The following SEMA3C variants were observed in gnomAD, a reference collection of about 807,000 sequenced individuals.
SEMA3C encodes semaphorin-3C.
A neutral mutation model predicts 89.4 loss-of-function variants in SEMA3C; 47 were observed. The ratio of observed to expected loss-of-function variants is 0.53; its 90% confidence interval spans 0.42 to 0.67. The LOEUF is 0.67. Among genes scored for constraint, SEMA3C ranks in the 30% least tolerant of loss-of-function variants. SEMA3C has a pLI of 0.00. For synonymous variants in SEMA3C, 310 were observed against 320.2 expected (o/e 0.97, Z 0.34); for missense variants, 839 against 929.1 (o/e 0.90, Z 1.26).
At chr7:80,780,399 T>C (rs1788664869) in intron 12 of SEMA3C, among the ~76,000 whole-genome samples, 1 of 152,224 alleles carries the variant, frequency 6.6e-6, no homozygotes, top group South Asian at 2.1e-4. Context: ...GAAAGAGCTC[T>C]AGAACATAAC....
chr7:80,903,823 G>C (rs1791942293), intron 2 of SEMA3C, among the ~76,000 whole-genome samples: 1 of 152,048 alleles, frequency 6.6e-6, no homozygotes, highest in Non-Finnish European at 1.5e-5. Context: ...AATGTAAAGA[G>C]CCAGAACCTG....
chr7:80,919,367 A>G, upstream of SEMA3C: 4 of 985,324 alleles, frequency 4.1e-6, no homozygotes, highest in Non-Finnish European at 4.8e-6. Context: ...GGAGTGAGCA[A>G]CTTGCTGGGT....
chr7:80,863,840 TATCAC>T (rs1297812751), intron 2 of SEMA3C, among the ~76,000 whole-genome samples: 30 of 112,682 alleles, frequency 2.7e-4, no homozygotes, highest in East Asian at 1.2e-3. Flanking sequence ...GTGATATATA[TATCAC>T]ATATCACATA....
At chr7:80,835,369 C>T (rs1790102601) in intron 2 of SEMA3C, among the ~76,000 whole-genome samples, 1 of 152,174 alleles carries the variant, frequency 6.6e-6, no homozygotes, top group Non-Finnish European at 1.5e-5. Flanking sequence ...TTCTTCTCAT[C>T]ATAAACCTCA....
rs185525866 is a variant in SEMA3C at position 80,823,738 on chromosome 7, T to C, written c.327+3687A>G. 2.1e-3 allele frequency among the ~76,000 whole-genome samples: 327 copies of C among 152,274 alleles called. 3 individuals carry two copies. Among genetic ancestry groups the C allele is most frequent in the African/African-American group, 7.6e-3 (315 of 41,568 alleles). On this transcript the variant is annotated intron_variant, in intron 4 of 17. Transcript: ENST00000265361. ...TGTAATGTATATATATCTAAATATA[T>C]ATAATCCTACTTAATTTTTCAACCG...
At chr7:80,852,529 G>C (rs970990220) in intron 2 of SEMA3C, among the ~76,000 whole-genome samples, 1 of 152,076 alleles carries the variant, frequency 6.6e-6, no homozygotes, top group Admixed American at 6.6e-5. Flanking sequence ...AATCAACAAA[G>C]TGAAGAGAAA....
chr7:80,770,059 A>C (rs532010353), intron 12 of SEMA3C, among the ~76,000 whole-genome samples: 1 of 152,272 alleles, frequency 6.6e-6, no homozygotes, highest in African/African-American at 2.4e-5. Context: ...TTAAGTAAGT[A>C]GTCTTAAGTT....
chr7:80,899,129 C>T (rs745448195), intron 2 of SEMA3C, among the ~76,000 whole-genome samples: 6 of 152,188 alleles, frequency 3.9e-5, no homozygotes, highest in Non-Finnish European at 7.3e-5. Flanking sequence ...CAACCTCCGC[C>T]GCCCGGGCTC....
chr7:80,788,840 A>G (rs924861637), intron 12 of SEMA3C, among the ~76,000 whole-genome samples: 1 of 152,166 alleles, frequency 6.6e-6, no homozygotes, highest in Non-Finnish European at 1.5e-5. Flanking sequence ...TGAAAGGAAC[A>G]CTTACCTCCA....
chr7:80,905,894 C>T (rs1170759576), intron 2 of SEMA3C: 2 of 1,289,364 alleles, frequency 1.6e-6, no homozygotes, highest in Non-Finnish European at 2.0e-6. Flanking sequence ...AGATGTAGCA[C>T]ACAGCATTGT....
intron 2 of SEMA3C, among the ~76,000 whole-genome samples, chr7:80,896,151 G>A (rs943488460): frequency 8.6e-5 from 13 of 151,608 alleles, no homozygotes; most frequent in African/African-American, 2.9e-4. Flanking sequence ...TTGCTTTTTC[G>A]ATTTCCCCAA....
intron 15 of SEMA3C, among the ~76,000 whole-genome samples, chr7:80,753,010 C>A (rs974978308): frequency 6.6e-6 from 1 of 152,046 alleles, no homozygotes. Context: ...AAATTAATCA[C>A]AAAGTCATTG....
chr7:80,878,094 G>A (rs1183468294), intron 2 of SEMA3C, among the ~76,000 whole-genome samples: 2 of 152,072 alleles, frequency 1.3e-5, no homozygotes, highest in Non-Finnish European at 2.9e-5. Context: ...TAAAAAAAAT[G>A]AGGCCGGGTG....
chr7:80,916,321 T>C (rs1268056215), intron 2 of SEMA3C, among the ~76,000 whole-genome samples: 10 of 152,168 alleles, frequency 6.6e-5, no homozygotes. Flanking sequence ...TCTCTGCTGC[T>C]GAGGATTAGC....
chr7:80,901,646 T>C (rs1791882809), intron 2 of SEMA3C, among the ~76,000 whole-genome samples: 1 of 152,192 alleles, frequency 6.6e-6, no homozygotes, highest in Non-Finnish European at 1.5e-5. Flanking sequence ...ATCAGTATCT[T>C]TGTTTTCTGT....
rs1244179812 is a variant in SEMA3C, at chr7:80,825,799, TAAAAG to T, written c.327+1621_327+1625del. On this transcript the variant is annotated intron_variant, in intron 4 of 17. Transcript: ENST00000265361. ...ATGGGAAAAAAATCTCATTAGAGAA[TAAAAG>T]AAAACAGTTTAATTCATCCACAATT... is the stretch of plus-strand genomic sequence containing the variant. Among the ~76,000 whole-genome samples, 8 of 152,124 alleles carry T rather than the reference TAAAAG, an allele frequency of 5.3e-5. No individual in the cohort carries two copies. In the East Asian group the frequency reaches 9.6e-4, roughly 18 times the overall value.
At chr7:80,853,928 G>A (rs946489232) in intron 2 of SEMA3C, among the ~76,000 whole-genome samples, 1 of 151,054 alleles carries the variant, frequency 6.6e-6, no homozygotes, top group Non-Finnish European at 1.5e-5. Flanking sequence ...ATACACACCT[G>A]CTATGTACCC....
In SEMA3C at chr7:80,762,092, TAAAAAAA is replaced by T. The variant is rs547180420; in HGVS notation, c.1444-442_1444-436del. Among the ~76,000 whole-genome samples the T allele has an allele frequency of 7.5e-4, 57 of 75,906 alleles. 1 individual carries two copies. The highest frequency in any genetic ancestry group is 2.6e-3 in the African/African-American group (52 of 19,912). The allele number at this position is 75,906 out of a possible 152,430, so 49.8% of individuals were successfully genotyped here. On this transcript the variant is annotated intron_variant, in intron 13 of 17. Coordinates refer to ENST00000265361, the MANE Select transcript of SEMA3C (RefSeq NM_006379.5). ...CAACAAGAGCAAAACTCCGTCTCAA[TAAAAAAA>T]AAAAAAAAAAAAAAAGAGTGGTAAT...
intron 2 of SEMA3C, among the ~76,000 whole-genome samples, chr7:80,897,966 T>C (rs1348578119): frequency 6.6e-6 from 1 of 152,200 alleles, no homozygotes; most frequent in Non-Finnish European, 1.5e-5. Context: ...GCATGCCTTA[T>C]TAAAACTCTT....
Sources: gnomAD v4.1 joint callset for allele counts (sites outside exome capture counted in the v4.1 genomes callset) on GRCh38, gnomAD v4.1.1 for gene constraint, MANE v1.5 for transcripts, NCBI Gene and HGNC (gene_info 2026-07-23, HGNC 2026-07-21) for gene names.